RBPJ: variants seen among roughly 807,000 people sequenced by gnomAD.
The protein encoded by RBPJ is recombining binding protein suppressor of hairless.
In RBPJ, 9 loss-of-function variants were observed where a neutral mutation model predicts 67.8. The ratio of observed to expected loss-of-function variants is 0.13; its 90% CI spans 0.08 to 0.23. RBPJ has a LOEUF of 0.23. Among genes scored for constraint, RBPJ ranks in the 10% least tolerant of loss-of-function variants. The pLI, the probability that RBPJ is intolerant of heterozygous loss-of-function variation, is 1.00. For missense variants in RBPJ, 305 were observed against 595.6 expected (o/e 0.51, Z 5.08); for synonymous variants, 198 against 203.3 (o/e 0.97, Z 0.22).
chr4:26,411,734 A>G (rs1449625533), intron 3 of RBPJ, among the ~76,000 whole-genome samples: 1 of 152,150 alleles, frequency 6.6e-6, no homozygotes, highest in Non-Finnish European at 1.5e-5. Flanking sequence ...ATTTTGTCAC[A>G]GTACTTTTGA....
At chr4:26,108,276 G>A in the RBPJ span, among the ~76,000 whole-genome samples, 1 of 152,136 alleles carries the variant, frequency 6.6e-6, no homozygotes, top group South Asian at 2.1e-4. Flanking sequence ...ACCCTCCCAC[G>A]AGGTGGGAGA....
intron 1 of RBPJ, among the ~76,000 whole-genome samples, chr4:26,232,840 C>T (rs563676476): frequency 6.6e-6 from 1 of 152,292 alleles, no homozygotes; most frequent in African/African-American, 2.4e-5. Context: ...AAACCTGTGT[C>T]ATAAGACTTA....
intron 1 of RBPJ, among the ~76,000 whole-genome samples, chr4:26,282,924 C>CTTTTTTTTTT (rs67501530): frequency 1.6e-5 from 1 of 61,646 alleles, no homozygotes; most frequent in African/African-American, 7.2e-5. Flanking sequence ...AGTGTAGATT[C>CTTTTTTTTTT]TTTTTTTTTT....
intron 1 of RBPJ, among the ~76,000 whole-genome samples, chr4:26,176,348 C>T (rs1223769888): frequency 6.6e-6 from 1 of 152,146 alleles, no homozygotes; most frequent in Non-Finnish European, 1.5e-5. Context: ...ACCAGACTCA[C>T]TGAGTTTAAA....
intron 1 of RBPJ, among the ~76,000 whole-genome samples, chr4:26,244,284 TATGTATACAC>T (rs1268021449): frequency 9.7e-5 from 14 of 145,062 alleles, no homozygotes; most frequent in Non-Finnish European, 1.2e-4. Context: ...TATGTGTGTA[TATGTATACAC>T]ATATGTGTAC....
upstream of RBPJ, among the ~76,000 whole-genome samples, chr4:26,315,168 ATAT>A (rs1318857664): frequency 1.8e-3 from 136 of 74,664 alleles, 3 homozygotes; most frequent in African/African-American, 5.5e-3. Context: ...AAAAAAAAAA[ATAT>A]ATATATATAT....
At chr4:26,336,637 A>G (rs890082402) in intron 1 of RBPJ, among the ~76,000 whole-genome samples, 3 of 149,632 alleles carry the variant, frequency 2.0e-5, no homozygotes, top group Admixed American at 6.8e-5. Context: ...GTGGTAGAGC[A>G]AGACCTTGTT....
At chr4:26,386,969 AT>A (rs1730979025) in intron 2 of RBPJ, among the ~76,000 whole-genome samples, 1 of 152,004 alleles carries the variant, frequency 6.6e-6, no homozygotes, top group African/African-American at 2.4e-5. Context: ...TTAGCAGTTT[AT>A]TTTTGGTGTC....
At chr4:26,392,775 C>T (rs989436329) in intron 2 of RBPJ, among the ~76,000 whole-genome samples, 15 of 152,160 alleles carry the variant, frequency 9.9e-5, no homozygotes, top group African/African-American at 3.6e-4. Flanking sequence ...TGTCACATTG[C>T]ACACTTTAAA....
At chr4:26,366,154 A>G (rs186018546) in intron 1 of RBPJ, among the ~76,000 whole-genome samples, 35 of 152,368 alleles carry the variant, frequency 2.3e-4, no homozygotes, top group South Asian at 4.1e-4. Flanking sequence ...GCAGAGACCT[A>G]ATTTCTAGTG....
At chr4:26,377,761 A>G (rs1325058280) in intron 1 of RBPJ, among the ~76,000 whole-genome samples, 1 of 151,968 alleles carries the variant, frequency 6.6e-6, no homozygotes, top group Non-Finnish European at 1.5e-5. Context: ...CTCTGTTTTT[A>G]TTTTAAGCCA....
rs1345381284 is a variant in RBPJ at position 26,329,107 on chromosome 4, C to CTTCA, written c.20+8060_20+8063dup. Among the ~76,000 whole-genome samples, 3 of 152,316 alleles carry CTTCA rather than the reference C, an allele frequency of 2.0e-5. No homozygotes were observed. The East Asian group carries it at 5.8e-4, about 29-fold the overall frequency. ...CTCCCGGGTTCAAATGATTCTCCTGCTTCAGCCTCCCGAGTAGTTGGGGTT... is the reference window on the plus strand; with the variant it reads ...CTCCCGGGTTCAAATGATTCTCCTGCTTCATTCAGCCTCCCGAGTAGTTGGGGTT... On this transcript the variant is annotated intron_variant, in intron 1 of 10. Coordinates refer to ENST00000355476, the MANE Select transcript of RBPJ (RefSeq NM_015874.6).
intron 1 of RBPJ, among the ~76,000 whole-genome samples, chr4:26,384,770 TCTC>T (rs1310547552): frequency 2.7e-5 from 4 of 148,718 alleles, no homozygotes; most frequent in Non-Finnish European, 6.0e-5. Flanking sequence ...CACTATTCCC[TCTC>T]CTCCTCTCTC....
chr4:26,417,749 T>G (rs1299231603), intron 4 of RBPJ, among the ~76,000 whole-genome samples: 1 of 152,246 alleles, frequency 6.6e-6, no homozygotes. Context: ...GGCACTTTGC[T>G]CTTGTCTGCC....
At chr4:26,244,287 GTATACACATA>G (rs1719796412) in intron 1 of RBPJ, among the ~76,000 whole-genome samples, 1 of 145,850 alleles carries the variant, frequency 6.9e-6, no homozygotes, top group African/African-American at 2.6e-5. Flanking sequence ...GTGTGTATAT[GTATACACATA>G]TGTGTACACA....
chr4:26,405,508 AAAT>A (rs1340663757), intron 2 of RBPJ, among the ~76,000 whole-genome samples: 1 of 152,342 alleles, frequency 6.6e-6, no homozygotes, highest in Admixed American at 6.5e-5. Flanking sequence ...TTTGCTCAAT[AAAT>A]ATGTAGAGTT....
Position 26,253,302 on chromosome 4 carries a change from T to C in RBPJ, c.-167+89688T>C, listed in dbSNP as rs542509561. Among the ~76,000 whole-genome samples the C allele has an allele frequency of 1.8e-4, 26 of 148,418 alleles. No homozygotes were observed. The East Asian group carries it at 4.9e-3, about 28-fold the overall frequency. On this transcript the variant is annotated intron_variant, in intron 1 of 4. Transcript: ENST00000512351. The stretch of plus-strand genomic sequence containing the variant: ...CATTTTATCAGATATCTTAATCTGC[T>C]ATTTCTTTTTTTTTTTTTTTTTTTT...
intron 1 of RBPJ, among the ~76,000 whole-genome samples, chr4:26,326,008 C>A (rs1276661905): frequency 6.6e-6 from 1 of 152,056 alleles, no homozygotes; most frequent in African/African-American, 2.4e-5. Flanking sequence ...TGGCAGGTAT[C>A]ATTTATATTC....
intron 1 of RBPJ, among the ~76,000 whole-genome samples, chr4:26,308,041 C>A (rs1237318532): frequency 6.6e-6 from 1 of 152,274 alleles, no homozygotes; most frequent in East Asian, 1.9e-4. Flanking sequence ...GTGTGGGAGG[C>A]CTGGGCAGGC....
Sources: gnomAD v4.1 joint callset for allele counts (sites outside exome capture counted in the v4.1 genomes callset) on GRCh38, gnomAD v4.1.1 for gene constraint, MANE v1.5 for transcripts, NCBI Gene and HGNC (gene_info 2026-07-23, HGNC 2026-07-21) for gene names.